The following NRXN1 variants were observed in gnomAD, a reference collection of about 807,000 sequenced individuals.
The protein encoded by NRXN1 is neurexin 1.
Under a neutral mutation model 150.9 loss-of-function variants are expected in NRXN1, and 39 were observed. The ratio of observed to expected loss-of-function variants is 0.26; its 90% confidence interval spans 0.20 to 0.34. NRXN1 has a LOEUF of 0.34. NRXN1 is among the 10% of genes least tolerant of loss of function. NRXN1 has a pLI of 1.00. For missense variants in NRXN1, 1,815 were observed against 1,949.9 expected (o/e 0.93, Z 1.30); for synonymous variants, 924 against 757.0 (o/e 1.22, Z -3.62).
intron 17 of NRXN1, among the ~76,000 whole-genome samples, chr2:50,250,015 C>G (rs1215088116): frequency 6.6e-6 from 1 of 152,074 alleles, no homozygotes; most frequent in African/African-American, 2.4e-5. Flanking sequence ...AAATAAATAA[C>G]TTTTCTAATA....
intron 8 of NRXN1, among the ~76,000 whole-genome samples, chr2:50,567,758 C>A (rs1210810540): frequency 6.6e-6 from 1 of 152,088 alleles, no homozygotes; most frequent in Non-Finnish European, 1.5e-5. Context: ...AAAATTAGAA[C>A]TAGAATGCAC....
At chr2:49,937,817 C>T (rs943077890) in intron 22 of NRXN1, among the ~76,000 whole-genome samples, 2 of 150,838 alleles carry the variant, frequency 1.3e-5, no homozygotes, top group Non-Finnish European at 2.9e-5. Context: ...ATAAATAACA[C>T]ACATTTAAAT....
At chr2:50,109,893 T>C (rs1573964423) in intron 18 of NRXN1, among the ~76,000 whole-genome samples, 1 of 152,188 alleles carries the variant, frequency 6.6e-6, no homozygotes, top group African/African-American at 2.4e-5. Flanking sequence ...GTATATAACA[T>C]ACCAAAAAAT....
intron 17 of NRXN1, among the ~76,000 whole-genome samples, chr2:50,261,191 AAT>A (rs1340941377): frequency 1.3e-5 from 2 of 151,790 alleles, no homozygotes; most frequent in Non-Finnish European, 1.5e-5. Context: ...AGCCCCGAGG[AAT>A]ATAGACTTTC....
intron 21 of NRXN1, chr2:50,022,655 A>G (rs1687741277): frequency 6.6e-6 from 1 of 152,220 alleles, no homozygotes; most frequent in Non-Finnish European, 1.5e-5. Flanking sequence ...CAAGAATAGT[A>G]TGTTTGATTT....
intron 5 of NRXN1, among the ~76,000 whole-genome samples, chr2:50,699,822 G>A (rs181920401): frequency 1.4e-4 from 22 of 152,198 alleles, no homozygotes; most frequent in Middle Eastern, 3.4e-3. Flanking sequence ...AATGTAGTCT[G>A]TTATAAGCCA....
At chr2:50,474,478 CAA>C (rs1349158809) in intron 15 of NRXN1, among the ~76,000 whole-genome samples, 2 of 151,576 alleles carry the variant, frequency 1.3e-5, no homozygotes, top group African/African-American at 4.8e-5. Flanking sequence ...TGGTGAATCT[CAA>C]AACCTCAGGT....
chr2:50,451,317 A>G (rs920981375), intron 17 of NRXN1, among the ~76,000 whole-genome samples: 2 of 152,202 alleles, frequency 1.3e-5, no homozygotes, highest in African/African-American at 4.8e-5. Flanking sequence ...CACTATCTGA[A>G]ATAAAAAGTA....
rs1225594526 is a variant in NRXN1 at position 50,502,520 on chromosome 2, C to G, written c.2497+3975G>C. On this transcript the variant is annotated intron_variant, in intron 13 of 22. Coordinates refer to ENST00000401669, the MANE Select transcript of NRXN1 (RefSeq NM_001330078.2). ...CACGAGTCATGGTTAACCCCTGCTT[C>G]AAATCCTCCTTAGCTCTGAATATAA... 2.0e-5 allele frequency among the ~76,000 whole-genome samples: 3 copies of G among 152,012 alleles called. No individual in the cohort carries two copies. The East Asian group carries it at 5.8e-4, about 29-fold the overall frequency.
chr2:50,980,613 T>A (rs569463199), intron 2 of NRXN1, among the ~76,000 whole-genome samples: 1 of 152,138 alleles, frequency 6.6e-6, no homozygotes, highest in East Asian at 1.9e-4. Flanking sequence ...GTTTCTATTA[T>A]GAAGCAAATT....
chr2:50,164,088 A>T (rs2059533269), intron 18 of NRXN1, among the ~76,000 whole-genome samples: 1 of 152,210 alleles, frequency 6.6e-6, no homozygotes, highest in South Asian at 2.1e-4. Flanking sequence ...CTTGTGATTT[A>T]TGTAGTATTA....
chr2:50,030,286 T>A (rs2152567045), intron 21 of NRXN1, among the ~76,000 whole-genome samples: 1 of 152,266 alleles, frequency 6.6e-6, no homozygotes, highest in East Asian at 1.9e-4. Flanking sequence ...CTAAACCTCC[T>A]TAAAAGCCTC....
intron 17 of NRXN1, among the ~76,000 whole-genome samples, chr2:50,331,875 A>G (rs954410982): frequency 2.6e-5 from 4 of 152,186 alleles, no homozygotes; most frequent in African/African-American, 7.2e-5. Flanking sequence ...CAATTGTGCT[A>G]GGACCGTCTA....
chr2:50,695,841 A>ATTT lies in NRXN1; in HGVS notation c.833-72229_833-72227dup, dbSNP rs5831150. Among the ~76,000 whole-genome samples the ATTT allele has an allele frequency of 1.1e-3, 143 of 127,276 alleles. 3 individuals are homozygous for ATTT. Among genetic ancestry groups the ATTT allele is most frequent in the African/African-American group, 1.5e-3 (50 of 33,500 alleles). The allele number at this position is 127,276 out of a possible 152,430, so 83.5% of individuals were successfully genotyped here. On this transcript the variant is annotated intron_variant, in intron 5 of 22. Transcript: ENST00000401669. Reference sequence around the variant, plus strand: ...AATAAGCCTAACCAGAGTGACTCTGATTTTTTTTTTTTTTTTTTTGAGATG... The same window carrying ATTT: ...AATAAGCCTAACCAGAGTGACTCTGATTTTTTTTTTTTTTTTTTTTTTGAGATG...
intron 19 of NRXN1, among the ~76,000 whole-genome samples, chr2:50,079,461 G>A (rs1697602414): frequency 6.6e-6 from 1 of 151,764 alleles, no homozygotes; most frequent in African/African-American, 2.4e-5. Flanking sequence ...TTTAATATTT[G>A]GCCTTCTATG....
chr2:50,750,173 G>A (rs142892351), intron 5 of NRXN1, among the ~76,000 whole-genome samples: 99 of 152,000 alleles, frequency 6.5e-4, no homozygotes, highest in African/African-American at 1.7e-3. Flanking sequence ...GGATGATAAC[G>A]ACAGGAGCCT....
intron 15 of NRXN1, among the ~76,000 whole-genome samples, chr2:50,473,826 T>A (rs1395277146): frequency 1.3e-5 from 2 of 151,986 alleles, no homozygotes; most frequent in Non-Finnish European, 2.9e-5. Flanking sequence ...CATTAAACAG[T>A]AATAAGCTAA....
intron 21 of NRXN1, among the ~76,000 whole-genome samples, chr2:50,037,889 G>C (rs1248003294): frequency 6.6e-6 from 1 of 152,130 alleles, no homozygotes; most frequent in Admixed American, 6.6e-5. Flanking sequence ...TGACTCCAAT[G>C]CATTGTTTTT....
At chr2:50,550,044 T>G (rs1002420758) in intron 9 of NRXN1, among the ~76,000 whole-genome samples, 1 of 152,206 alleles carries the variant, frequency 6.6e-6, no homozygotes, top group Admixed American at 6.5e-5. Flanking sequence ...TAATGAATAC[T>G]TTCCTTTTTC....
Sources: allele counts gnomAD v4.1 joint callset (sites outside exome capture counted in the v4.1 genomes callset), GRCh38; gene constraint gnomAD v4.1.1; transcripts MANE v1.5; gene names NCBI Gene and HGNC (gene_info 2026-07-23, HGNC 2026-07-21).